Variants in SPIDR observed in about 807,000 individuals in gnomAD.
SPIDR encodes scaffold protein involved in DNA repair.
SPIDR carries 93 observed loss-of-function variants against 104.6 expected under a neutral mutation model. The ratio of observed to expected loss-of-function variants is 0.89; its 90% CI spans 0.75 to 1.06. The LOEUF (loss-of-function observed/expected upper bound fraction) is 1.06. Among genes scored for constraint, SPIDR ranks in the 50% least tolerant of loss-of-function variants. The pLI, the probability that SPIDR is intolerant of heterozygous loss-of-function variation, is 0.00. For missense variants in SPIDR, 1,154 were observed against 1,111.2 expected (o/e 1.04, Z -0.55); for synonymous variants, 431 against 416.9 (o/e 1.03, Z -0.41).
At chr8:47,435,412 C>T (rs185255133) in intron 7 of SPIDR, among the ~76,000 whole-genome samples, 48 of 151,944 alleles carry the variant, frequency 3.2e-4, no homozygotes, top group Non-Finnish European at 5.3e-4. Flanking sequence ...GATTAAATAA[C>T]GAATTCATGC....
intron 11 of SPIDR, among the ~76,000 whole-genome samples, chr8:47,691,893 AC>A (rs1399644628): frequency 6.6e-6 from 1 of 152,176 alleles, no homozygotes; most frequent in Admixed American, 6.5e-5. Context: ...CTCGCTCCCA[AC>A]CCTGTGCTGC....
chr8:47,606,702 C>G (rs1440199742), intron 10 of SPIDR, among the ~76,000 whole-genome samples: 1 of 152,156 alleles, frequency 6.6e-6, no homozygotes, highest in East Asian at 1.9e-4. Context: ...ATAAAGCTTA[C>G]TAGACTCCTT....
intron 7 of SPIDR, among the ~76,000 whole-genome samples, chr8:47,427,231 A>G (rs2066556015): frequency 6.7e-6 from 1 of 149,942 alleles, no homozygotes; most frequent in Non-Finnish European, 1.5e-5. Flanking sequence ...TAAATACTTT[A>G]TAAATATTAT....
intron 8 of SPIDR, among the ~76,000 whole-genome samples, chr8:47,494,467 T>C (rs964892415): frequency 6.6e-6 from 1 of 152,132 alleles, no homozygotes; most frequent in Non-Finnish European, 1.5e-5. Context: ...TAAATATTAG[T>C]GTAAATAAAT....
chr8:47,490,235 A>T (rs1232852266), intron 8 of SPIDR, among the ~76,000 whole-genome samples: 1 of 152,236 alleles, frequency 6.6e-6, no homozygotes, highest in Non-Finnish European at 1.5e-5. Context: ...CAGTCAACAG[A>T]CACATGAAAA....
intron 5 of SPIDR, among the ~76,000 whole-genome samples, chr8:47,368,659 A>G (rs770670200): frequency 6.6e-4 from 101 of 152,188 alleles, no homozygotes; most frequent in Non-Finnish European, 1.2e-3. Flanking sequence ...ATCATGTGTG[A>G]TCTTTTATGA....
intron 8 of SPIDR, among the ~76,000 whole-genome samples, chr8:47,478,287 C>G (rs528491808): frequency 6.6e-6 from 1 of 152,070 alleles, no homozygotes; most frequent in Admixed American, 6.5e-5. Context: ...GTGGTGACAG[C>G]GTGGTGGGGA....
At chr8:47,362,477 A>T (rs1202198854) in intron 5 of SPIDR, among the ~76,000 whole-genome samples, 1 of 152,186 alleles carries the variant, frequency 6.6e-6, no homozygotes, top group Non-Finnish European at 1.5e-5. Context: ...CTTTGACCAC[A>T]CATCACTACA....
intron 19 of SPIDR, among the ~76,000 whole-genome samples, chr8:47,735,062 G>A (rs544230627): frequency 6.6e-6 from 1 of 151,940 alleles, no homozygotes; most frequent in African/African-American, 2.4e-5. Flanking sequence ...GAATGGGGTA[G>A]TTCCTTCACT....
rs544019621 is a variant in SPIDR, at chr8:47,402,568, T to C, written c.777-5293T>C. ...CACAAACTACCATCAGAGAATGCTA[T>C]AAACACCTCTACGCAAATAAACTAG... is the stretch of plus-strand genomic sequence containing the variant. On this transcript the variant is annotated intron_variant, in intron 6 of 19. Transcript: ENST00000297423. Among the ~76,000 whole-genome samples the C allele has an allele frequency of 3.8e-4, 58 of 152,290 alleles. 2 individuals are homozygous for C. In the South Asian group the frequency reaches 0.012, roughly 32 times the overall value.
At position 47,407,955 on chromosome 8, in the gene SPIDR, CTT is replaced by C; in HGVS notation, c.873_874del (p.Ser292ArgfsTer2). 6.4e-7 allele frequency: 1 copy of C among 1,567,884 alleles called. No individual in the cohort carries two copies. Among genetic ancestry groups the C allele is most frequent in the South Asian group, 1.2e-5 (1 of 85,522 alleles). On this transcript the variant is annotated frameshift_variant, in exon 7 of 20. Transcript: ENST00000297423. LOFTEE classifies it high-confidence loss of function. Reference protein sequence around the residue: ...RHQCISYQKTLSGRKSGVLTV... With the variant: ...RHQCISYQKTXSGRKSGVLTV... ...TCAATGTATTTCTTACCAAAAGACACTTTCAGGTAAGGCTTGTGCAGGAATCT... is the reference window on the plus strand; with the variant it reads ...TCAATGTATTTCTTACCAAAAGACACTCAGGTAAGGCTTGTGCAGGAATCT...
intron 10 of SPIDR, among the ~76,000 whole-genome samples, chr8:47,665,308 G>A (rs1199789155): frequency 6.6e-6 from 1 of 152,210 alleles, no homozygotes. Context: ...AATGCTGAAA[G>A]AAACAAATTA....
intron 16 of SPIDR, among the ~76,000 whole-genome samples, chr8:47,716,007 C>T (rs1030570517): frequency 2.7e-5 from 4 of 149,868 alleles, no homozygotes; most frequent in Non-Finnish European, 5.9e-5. Flanking sequence ...GTCTGTCACC[C>T]AGGCTGGAGT....
intron 7 of SPIDR, among the ~76,000 whole-genome samples, chr8:47,435,912 A>G (rs1401120001): frequency 6.6e-6 from 1 of 152,206 alleles, no homozygotes; most frequent in Non-Finnish European, 1.5e-5. Flanking sequence ...CTGGGATTAG[A>G]CCTGCCAGTC....
intron 10 of SPIDR, chr8:47,660,298 G>A (rs1405258987): frequency 7.0e-6 from 2 of 287,510 alleles, no homozygotes; most frequent in African/African-American, 4.6e-5. Context: ...AATTCTTAAA[G>A]ACAAATATTC....
intron 8 of SPIDR, among the ~76,000 whole-genome samples, chr8:47,522,567 C>T (rs1179837570): frequency 6.6e-6 from 1 of 152,084 alleles, no homozygotes; most frequent in Non-Finnish European, 1.5e-5. Flanking sequence ...AAATGACTCC[C>T]TCACCCTCTC....
chr8:47,323,904 A>G (rs916599178), intron 5 of SPIDR, among the ~76,000 whole-genome samples: 1 of 152,158 alleles, frequency 6.6e-6, no homozygotes, highest in Non-Finnish European at 1.5e-5. Context: ...TTGATTGGAA[A>G]CTATTAGTTA....
In SPIDR at chr8:47,627,641, C is replaced by T. The variant is rs775322256; in HGVS notation, c.1544+28445C>T. Among the ~76,000 whole-genome samples the T allele has an allele frequency of 6.6e-5, 10 of 152,210 alleles. No homozygotes were observed. In the Middle Eastern group the frequency reaches 0.01, roughly 155 times the overall value. On this transcript the variant is annotated intron_variant, in intron 10 of 19. Transcript: ENST00000297423. ...TATGTGTTATAGAACTAAATCCAAA[C>T]GGGAAATTTGGCTTTGTGCACTGAC...
chr8:47,647,616 AAG>A (rs369414271), intron 10 of SPIDR, among the ~76,000 whole-genome samples: 2,810 of 60,452 alleles, frequency 0.046, 102 homozygotes, highest in African/African-American at 0.13. Flanking sequence ...TCCATCTCGA[AAG>A]AGAGAGAGAG....
Sources: gnomAD v4.1 joint callset for allele counts (sites outside exome capture counted in the v4.1 genomes callset) on GRCh38, gnomAD v4.1.1 for gene constraint, MANE v1.5 for transcripts, NCBI Gene and HGNC (gene_info 2026-07-23, HGNC 2026-07-21) for gene names.